NRG3: variants seen among roughly 807,000 people sequenced by gnomAD.
NRG3 encodes the protein neuregulin 3.
Under a neutral mutation model 66.9 loss-of-function variants are expected in NRG3, and 31 were observed. That is an observed-to-expected ratio of 0.46 (90% CI 0.35 to 0.63). NRG3 has a LOEUF of 0.63. NRG3 is among the 20% of genes least tolerant of loss of function. The probability of loss-of-function intolerance (pLI) is 0.00; values close to 1 mark genes in which losing one functional copy is unlikely to be tolerated. For missense variants in NRG3, 910 were observed against 878.9 expected (o/e 1.04, Z -0.45); for synonymous variants, 393 against 359.4 (o/e 1.09, Z -1.06).
chr10:82,897,232 T>C (rs1346316535), intron 4 of NRG3, among the ~76,000 whole-genome samples: 1 of 152,218 alleles, frequency 6.6e-6, no homozygotes, highest in African/African-American at 2.4e-5. Context: ...TAGTCTTGGA[T>C]TAAACACCTT....
chr10:82,942,054 C>T (rs1210287437), intron 4 of NRG3, among the ~76,000 whole-genome samples: 1 of 151,642 alleles, frequency 6.6e-6, no homozygotes, highest in Non-Finnish European at 1.5e-5. Flanking sequence ...TGAAGATCAG[C>T]ACATTTATGG....
chr10:82,373,957 A>G (rs1479731365), intron 2 of NRG3, among the ~76,000 whole-genome samples: 1 of 152,170 alleles, frequency 6.6e-6, no homozygotes, highest in Non-Finnish European at 1.5e-5. Context: ...TTTGTGAGCA[A>G]AACCTCTGTA....
At chr10:82,634,724 G>GT (rs2050069593) in intron 2 of NRG3, among the ~76,000 whole-genome samples, 1 of 152,188 alleles carries the variant, frequency 6.6e-6, no homozygotes, top group African/African-American at 2.4e-5. Context: ...TAAGGAACCA[G>GT]TAAGTGATTA....
At chr10:82,397,391 C>T (rs2086783005) in intron 2 of NRG3, among the ~76,000 whole-genome samples, 1 of 152,134 alleles carries the variant, frequency 6.6e-6, no homozygotes, top group Non-Finnish European at 1.5e-5. Flanking sequence ...CATTGAAAAG[C>T]AAACTCATCT....
chr10:81,915,496 G>GTTTTTTGTTT (rs1845603801), intron 1 of NRG3, among the ~76,000 whole-genome samples: 86 of 130,730 alleles, frequency 6.6e-4, no homozygotes, highest in Admixed American at 1.2e-3. Flanking sequence ...CACTTCTTTA[G>GTTTTTTGTTT]TTTTTTTTTT....
intron 1 of NRG3, among the ~76,000 whole-genome samples, chr10:82,150,528 C>CAAAAAAAAAAAAAAAAAAAAAAAA (rs1264827514): frequency 1.7e-4 from 9 of 51,722 alleles, no homozygotes; most frequent in Non-Finnish European, 1.8e-4. Flanking sequence ...AAAGAGCACA[C>CAAAAAAAAAAAAAAAAAAAAAAAA]ACAAAAAAAA....
At chr10:82,530,818 C>G (rs543173753) in intron 2 of NRG3, among the ~76,000 whole-genome samples, 1 of 151,690 alleles carries the variant, frequency 6.6e-6, no homozygotes, top group African/African-American at 2.4e-5. Context: ...TTTCCTGGAG[C>G]TTTGTTTTTA....
At chr10:82,660,738 T>C (rs1432886569) in intron 2 of NRG3, among the ~76,000 whole-genome samples, 1 of 152,194 alleles carries the variant, frequency 6.6e-6, no homozygotes, top group Non-Finnish European at 1.5e-5. Context: ...TCATGTAGAG[T>C]GCTCTCCATT....
chr10:81,924,219 A>G (rs1480889902), intron 1 of NRG3, among the ~76,000 whole-genome samples: 1 of 152,230 alleles, frequency 6.6e-6, no homozygotes, highest in Admixed American at 6.5e-5. Context: ...GGTTACCACA[A>G]CAATGTGTAT....
chr10:82,318,772 C>T (rs1419947078), intron 1 of NRG3, among the ~76,000 whole-genome samples: 1 of 152,194 alleles, frequency 6.6e-6, no homozygotes, highest in Non-Finnish European at 1.5e-5. Flanking sequence ...AAAATCAGGC[C>T]TCTTTACCTC....
intron 7 of NRG3, among the ~76,000 whole-genome samples, chr10:82,975,711 T>C (rs762671765): frequency 6.6e-5 from 10 of 152,224 alleles, no homozygotes; most frequent in Non-Finnish European, 1.0e-4. Context: ...CACTGATTTA[T>C]ATATCCTGCA....
chr10:82,859,701 A>G (rs967412871), intron 3 of NRG3, among the ~76,000 whole-genome samples: 7 of 152,230 alleles, frequency 4.6e-5, no homozygotes, highest in African/African-American at 1.7e-4. Context: ...ACAATGCGGC[A>G]ACTATAGTTA....
chr10:82,768,557 T>A (rs1565294456), intron 3 of NRG3, among the ~76,000 whole-genome samples: 1 of 152,130 alleles, frequency 6.6e-6, no homozygotes, highest in Non-Finnish European at 1.5e-5. Flanking sequence ...ATAACCCACC[T>A]AGCACCAAGT....
intron 2 of NRG3, among the ~76,000 whole-genome samples, chr10:82,456,424 C>G (rs193123205): frequency 8.6e-5 from 13 of 152,032 alleles, no homozygotes; most frequent in African/African-American, 2.4e-4. Context: ...TTCTTGGCAT[C>G]CCAAATTGCT....
chr10:82,622,879 C>G (rs745745178), intron 2 of NRG3, among the ~76,000 whole-genome samples: 6 of 152,104 alleles, frequency 3.9e-5, no homozygotes, highest in Non-Finnish European at 7.3e-5. Context: ...GTGTTCTGAG[C>G]ATGTTTGAAG....
At chr10:82,725,724 G>T (rs567785666) in intron 2 of NRG3, among the ~76,000 whole-genome samples, 86 of 152,132 alleles carry the variant, frequency 5.7e-4, no homozygotes, top group African/African-American at 2.0e-3. Context: ...CCCAAATATT[G>T]CTTCTAGGAC....
chr10:82,423,786 A>G (rs1214763436), intron 2 of NRG3, among the ~76,000 whole-genome samples: 3 of 152,010 alleles, frequency 2.0e-5, no homozygotes, highest in East Asian at 1.9e-4. Flanking sequence ...AAGAAACCTC[A>G]TACCATTAGC....
intron 2 of NRG3, among the ~76,000 whole-genome samples, chr10:82,441,084 CCTT>C (rs1282399086): frequency 6.6e-6 from 1 of 152,142 alleles, no homozygotes. Context: ...AGCAGTTAAT[CCTT>C]CTTTCTTAGC....
At chr10:82,021,786 ATGTGTGTG>A (rs71950373) in intron 1 of NRG3, among the ~76,000 whole-genome samples, 824 of 61,064 alleles carry the variant, frequency 0.013, 9 homozygotes, top group African/African-American at 0.034. Flanking sequence ...GGCATGTAGT[ATGTGTGTG>A]TGTGTGTGTG....
Sources: allele counts gnomAD v4.1 joint callset (sites outside exome capture counted in the v4.1 genomes callset), GRCh38; gene constraint gnomAD v4.1.1; transcripts MANE v1.5; gene names NCBI Gene and HGNC (gene_info 2026-07-23, HGNC 2026-07-21).